MIER3: variants seen among roughly 807,000 people sequenced by gnomAD.
MIER3 encodes the protein mesoderm induction early response protein 3.
Under a neutral mutation model 63.2 loss-of-function variants are expected in MIER3, and 9 were observed. The observed-to-expected ratio is 0.14, with a 90% confidence interval of 0.09 to 0.25. MIER3 has a LOEUF of 0.25. Among genes scored for constraint, MIER3 ranks in the 10% least tolerant of loss-of-function variants. The pLI, the probability that MIER3 is intolerant of heterozygous loss-of-function variation, is 1.00. For missense variants in MIER3, 512 were observed against 666.2 expected, an observed-to-expected ratio of 0.77 and a Z score of 2.55; for synonymous variants, 205 against 224.9, an observed-to-expected ratio of 0.91 and a Z score of 0.79.
At chr5:56,935,602 A>T in intron 6 of MIER3, 64 bp downstream of exon 6, 1 of 1,536,650 alleles carries the variant, frequency 6.5e-7, no homozygotes, top group Non-Finnish European at 8.9e-7. Context: ...CAACAAAATT[A>T]TCATAAATCA....
Position 56,928,787 on chromosome 5 carries a change from G to A in MIER3, c.904C>T (p.His302Tyr). 1 of 1,612,916 alleles carries A rather than the reference G, an allele frequency of 6.2e-7. No individual in the cohort carries two copies. Residue 302 changes from histidine (H) to tyrosine (Y), a missense_variant, in exon 10 of 13, where the codon CAT becomes TAT. This residue lies in a region of MIER3 where 34 missense variants were observed against 86.3 expected (regional missense o/e 0.39). Coordinates refer to ENST00000381199, the MANE Select transcript of MIER3 (RefSeq NM_001297599.2). ...HALMLFGKDF[H>Y]LIQKNKVRTR... ...TTTACCTTATTCTTCTGTATAAGATGAAAATCTTTTCCAAAAAGCATGAGT... is the reference window on the plus strand; with the variant it reads ...TTTACCTTATTCTTCTGTATAAGATAAAAATCTTTTCCAAAAAGCATGAGT...
intron 8 of MIER3, among the ~76,000 whole-genome samples, chr5:56,931,019 T>C (rs1228197593): frequency 6.6e-6 from 1 of 152,050 alleles, no homozygotes; most frequent in Non-Finnish European, 1.5e-5. Context: ...AACAAACAAA[T>C]AAAAACACTA....
At chr5:56,950,783 A>G (rs2662040) in intron 1 of MIER3, 131 bp from the exon 2 acceptor site, 415,305 of 975,478 alleles carry the variant, frequency 0.43, 100,046 homozygotes, top group East Asian at 0.88. Context: ...ACGTAGCTTC[A>G]CTCGAATCGC....
intron 10 of MIER3, among the ~76,000 whole-genome samples, chr5:56,924,832 G>T (rs1579832620): frequency 6.6e-6 from 1 of 152,198 alleles, no homozygotes; most frequent in Non-Finnish European, 1.5e-5. Context: ...CGATAAAGAA[G>T]TTTCAGTATC....
At chr5:56,934,871 C>T (rs1750386672) in intron 7 of MIER3, among the ~76,000 whole-genome samples, 1 of 152,182 alleles carries the variant, frequency 6.6e-6, no homozygotes, top group South Asian at 2.1e-4. Flanking sequence ...TTTTTATATC[C>T]TACTACCTTA....
chr5:56,942,953 G>T (rs755463649), intron 3 of MIER3, among the ~76,000 whole-genome samples: 2 of 151,954 alleles, frequency 1.3e-5, no homozygotes, highest in Non-Finnish European at 2.9e-5. Flanking sequence ...GACCAGCCTG[G>T]GCATTGCAAG....
Position 56,942,578 on chromosome 5 carries a change from T to C in MIER3, c.181-3561A>G, listed in dbSNP as rs566785718. Among the ~76,000 whole-genome samples, 3 of 152,260 alleles carry C rather than the reference T, an allele frequency of 2.0e-5. No homozygotes were observed. The East Asian group carries it at 5.8e-4, about 29-fold the overall frequency. Reference sequence around the variant, plus strand: ...GAGTTTAAGGTGAAAGTTAAAGCAGTGGGTTTGAGTGAGAACACCCAGAAA... The same window carrying C: ...GAGTTTAAGGTGAAAGTTAAAGCAGCGGGTTTGAGTGAGAACACCCAGAAA... On this transcript the variant is annotated intron_variant, in intron 3 of 12. Transcript: ENST00000381199.
chr5:56,938,155 A>G (rs1349355439), intron 4 of MIER3: 11 of 383,750 alleles, frequency 2.9e-5, no homozygotes, highest in South Asian at 2.0e-4. Flanking sequence ...AGTTTGAATT[A>G]ATTTTTATGT....
chr5:56,951,527 G>A (rs1751029606), intron 1 of MIER3, among the ~76,000 whole-genome samples: 1 of 152,112 alleles, frequency 6.6e-6, no homozygotes, highest in Non-Finnish European at 1.5e-5. Context: ...GGGGAGTCCC[G>A]CTCTTCTGAG....
At chr5:56,952,171 AGCCGCCGCC>A, upstream of MIER3, 1 of 1,141,304 alleles carries the variant, frequency 8.8e-7, no homozygotes, top group Non-Finnish European at 1.1e-6. Flanking sequence ...AGCCAATCGC[AGCCGCCGCC>A]GCCACCGCCG....
chr5:56,932,097 C>T (rs1019493367), intron 8 of MIER3, among the ~76,000 whole-genome samples: 19 of 152,012 alleles, frequency 1.2e-4, no homozygotes, highest in Admixed American at 3.9e-4. Flanking sequence ...TTGAGACCAG[C>T]CTGGCGACAA....
intron 3 of MIER3, chr5:56,941,495 C>T (rs891481052): frequency 2.6e-5 from 4 of 152,036 alleles, no homozygotes; most frequent in African/African-American, 9.7e-5. Flanking sequence ...GAAGGCCAGT[C>T]CCATGAAGAG....
At position 56,938,941 on chromosome 5, in the gene MIER3, C is replaced by A. The variant is rs998682455; in HGVS notation, c.257G>T (p.Ser86Ile). The A allele has an allele frequency of 1.9e-6, 3 of 1,614,154 alleles. No individual in the cohort carries two copies. The highest frequency in any genetic ancestry group is 3.3e-4 in the Middle Eastern group (2 of 6,060). ...EPTIPAVANS[S>I]ANSSPSELAD... Reference sequence around the variant, plus strand: ...CAGTTCACTTGGGGAACTATTTGCACTGGAATTTGCAACTGCTGGAATTGT... The same window carrying A: ...CAGTTCACTTGGGGAACTATTTGCAATGGAATTTGCAACTGCTGGAATTGT... Residue 86 changes from serine to isoleucine, a missense_variant, in exon 4 of 13, where the codon AGT (serine) becomes ATT (isoleucine). By Grantham distance (142) the Ser-to-Ile change is moderately radical. This residue lies in a region of MIER3 where 98 missense variants were observed against 107.4 expected (regional missense o/e 0.91). Coordinates refer to ENST00000381199, the MANE Select transcript of MIER3 (RefSeq NM_001297599.2).
chr5:56,924,768 C>T (rs901970871), intron 10 of MIER3, among the ~76,000 whole-genome samples: 1 of 152,166 alleles, frequency 6.6e-6, no homozygotes, highest in Non-Finnish European at 1.5e-5. Flanking sequence ...GATGTATGAA[C>T]AAAATTCTTC....
chr5:56,928,585 A>C, intron 10 of MIER3, 182 bp downstream of exon 10: 2 of 483,072 alleles, frequency 4.1e-6, no homozygotes, highest in Non-Finnish European at 7.4e-6. Context: ...TGAATATACT[A>C]TCAGCCATTC....
At chr5:56,948,088 C>T (rs779161258) in intron 2 of MIER3, among the ~76,000 whole-genome samples, 1 of 152,190 alleles carries the variant, frequency 6.6e-6, no homozygotes, top group Non-Finnish European at 1.5e-5. Context: ...AAAGTTTAAT[C>T]TGTTCTTAGT....
intron 3 of MIER3, chr5:56,940,901 C>T: frequency 1.1e-6 from 1 of 901,114 alleles, no homozygotes; most frequent in Non-Finnish European, 1.3e-6. Context: ...ACAAGAGGTG[C>T]CTGGGTTGCA....
At chr5:56,945,923 T>C (rs559236162) in intron 3 of MIER3, among the ~76,000 whole-genome samples, 4 of 152,356 alleles carry the variant, frequency 2.6e-5, no homozygotes, top group South Asian at 2.1e-4. Flanking sequence ...TTACTCTTTA[T>C]ATTTGTGTCT....
rs2034244 is a variant in MIER3 at position 56,946,947 on chromosome 5, T to C, written c.159A>G (p.Ser53=). ...EMMDEGKNFS[S]EIEDLEKEGT... is the part of the protein sequence containing the mutation. Reference sequence around the variant, plus strand: ...ATACCTTTTCTAAGTCTTCAATTTCTGAACTGAAGTTTTTACCCTCATCCA... The same window carrying C: ...ATACCTTTTCTAAGTCTTCAATTTCCGAACTGAAGTTTTTACCCTCATCCA... Residue 53 remains serine, a synonymous_variant, in exon 3 of 13, where the codon TCA becomes TCG. Transcript: ENST00000381199. The C allele has an allele frequency of 0.28, 434,940 of 1,579,280 alleles. 64,691 individuals are homozygous for C. The highest frequency in any genetic ancestry group is 0.55 in the East Asian group (23,627 of 43,052).
Sources: allele counts gnomAD v4.1 joint callset (sites outside exome capture counted in the v4.1 genomes callset), GRCh38; gene constraint gnomAD v4.1.1; regional missense constraint gnomAD v4.1.1; transcripts MANE v1.5; gene names NCBI Gene and HGNC (gene_info 2026-07-23, HGNC 2026-07-21).